The following NEURL1 variants were observed in gnomAD, a reference collection of about 807,000 sequenced individuals.
The protein encoded by NEURL1 is neuralized E3 ubiquitin protein ligase 1.
NEURL1 carries 26 observed loss-of-function variants against 41.2 expected under a neutral mutation model. The observed-to-expected ratio is 0.63, with a 90% CI of 0.46 to 0.87. NEURL1 has a LOEUF of 0.87. Among genes scored for constraint, NEURL1 ranks in the 40% least tolerant of loss-of-function variants. The pLI, the probability that NEURL1 is intolerant of heterozygous loss-of-function variation, is 0.00. For missense variants in NEURL1, 761 were observed against 871.1 expected, an observed-to-expected ratio of 0.87 and a Z score of 1.59; for synonymous variants, 400 against 402.3, an observed-to-expected ratio of 0.99 and a Z score of 0.07.
At chr10:103,505,330 CTCTCTGCCTCAGCCTCCCGAATAGCTGGG>C (rs1402457907) in intron 1 of NEURL1, among the ~76,000 whole-genome samples, 1 of 150,870 alleles carries the variant, frequency 6.6e-6, no homozygotes, top group African/African-American at 2.4e-5. Flanking sequence ...TCAAGCAATT[CTCTCTGCCTCAGCCTCCCGAATAGCTGGG>C]ATTACAGGCA....
At chr10:103,505,962 C>G (rs1202460307) in intron 1 of NEURL1, among the ~76,000 whole-genome samples, 1 of 152,182 alleles carries the variant, frequency 6.6e-6, no homozygotes, top group Non-Finnish European at 1.5e-5. Context: ...TGTGTGGGGA[C>G]AGGGGAGGAG....
chr10:103,576,313 CAG>C (rs138525649), intron 3 of NEURL1, among the ~76,000 whole-genome samples: 21,885 of 152,010 alleles, frequency 0.14, 1,998 homozygotes, highest in Non-Finnish European at 0.2. Context: ...TTAGGTCAGA[CAG>C]GGGGGTGTCC....
Position 103,589,642 on chromosome 10 carries a change from C to A in NEURL1, c.1468C>A (p.Leu490Met). ...PLLSTCSSGP[L>M]GSSAGGTAPN... The stretch of plus-strand genomic sequence containing the variant: ...GCTCAGCACGTGCAGCTCTGGCCCT[C>A]TGGGTAGCTCTGCTGGTGGTAAGTA... Residue 490 changes from leucine (L) to methionine (M), a missense_variant, in exon 5 of 6, where the codon CTG becomes ATG. Physicochemically the swap from Leu to Met is conservative, Grantham distance 15 (BLOSUM62 2). Transcript: ENST00000369780. 6.2e-7 allele frequency: 1 copy of A among 1,610,720 alleles called. No individual in the cohort carries two copies. Among genetic ancestry groups the A allele is most frequent in the East Asian group, 2.2e-5 (1 of 44,822 alleles).
rs1006259260 is a variant in NEURL1, at chr10:103,545,127, T to C, written c.86-25745T>C. Among the ~76,000 whole-genome samples the C allele has an allele frequency of 2.0e-5, 3 of 152,108 alleles. No individual in the cohort carries two copies. Among genetic ancestry groups the C allele is most frequent in the Non-Finnish European group, 2.9e-5 (2 of 68,018 alleles). ...AATGAGCCACGGATGAATGTGCAAA[T>C]TGTGAGATGGGGCAGCTGCAGGGAA... On this transcript the variant is annotated intron_variant, in intron 1 of 5. Transcript: ENST00000369780. This position sits in a 1 kb window ranked among gnomAD's most constrained non-coding sequence, Gnocchi z 4.5.
In NEURL1 at chr10:103,508,398, C is replaced by G. The variant is rs573589788; in HGVS notation, c.85+13926C>G. ...TAGGGTGACATCCATTTGCGACTCTCATCCTCAGGATACAGCTAGGACCTC... is the reference window on the plus strand; with the variant it reads ...TAGGGTGACATCCATTTGCGACTCTGATCCTCAGGATACAGCTAGGACCTC... On this transcript the variant is annotated intron_variant, in intron 1 of 5. Coordinates refer to ENST00000369780, the MANE Select transcript of NEURL1 (RefSeq NM_004210.5). This position sits in a 1 kb window ranked among gnomAD's most constrained non-coding sequence, Gnocchi z 4.3. Among the ~76,000 whole-genome samples, 10 of 152,360 alleles carry G rather than the reference C, an allele frequency of 6.6e-5. No homozygotes were observed. The highest frequency in any genetic ancestry group is 1.5e-4 in the Non-Finnish European group (10 of 68,036).
intron 1 of NEURL1, among the ~76,000 whole-genome samples, chr10:103,532,514 C>A (rs906857829): frequency 6.6e-6 from 1 of 152,120 alleles, no homozygotes; most frequent in African/African-American, 2.4e-5. Context: ...TCCCTAATTT[C>A]TGAAGGATAG....
Position 103,556,064 on chromosome 10 carries a change from G to A in NEURL1, c.86-14808G>A, listed in dbSNP as rs116999811. ...ACAGCGCCTGACCTCGCTTCTCCAA[G>A]TGTGTGCTCTGTGGGGGAGGCCAGA... On this transcript the variant is annotated intron_variant, in intron 1 of 5. Transcript: ENST00000369780. This position sits in a 1 kb window ranked among gnomAD's most constrained non-coding sequence, Gnocchi z 4.4. 0.027 allele frequency among the ~76,000 whole-genome samples: 4,045 copies of A among 152,366 alleles called. 79 individuals are homozygous for A. The highest frequency in any genetic ancestry group is 0.042 in the Non-Finnish European group (2,825 of 68,018).
chr10:103,516,167 G>A (rs564726767), intron 1 of NEURL1, among the ~76,000 whole-genome samples: 2 of 147,894 alleles, frequency 1.4e-5, no homozygotes, highest in Non-Finnish European at 3.0e-5. Flanking sequence ...GGTGAAGGTT[G>A]CAGTGAGCTG....
At position 103,494,146 on chromosome 10, in the gene NEURL1, C is replaced by CGGGGCAT; in HGVS notation, c.-238_-232dup. ...CTGCTTGTGGCCCCCGCTCCCGCCA[C>CGGGGCAT]GGGGCATGGGAGGCAGGTAGCCCAG... On this transcript the variant is annotated 5_prime_UTR_variant, in exon 1 of 6. The change creates a new upstream start codon in the 5' untranslated region. Coordinates refer to ENST00000369780, the MANE Select transcript of NEURL1 (RefSeq NM_004210.5). 1 of 426,702 alleles carries CGGGGCAT rather than the reference C, an allele frequency of 2.3e-6. No homozygotes were observed. Among genetic ancestry groups the CGGGGCAT allele is most frequent in the Non-Finnish European group, 4.1e-6 (1 of 241,128 alleles). The allele number at this position is 426,702 out of a possible 1,614,324, so 26.4% of individuals were successfully genotyped here. A position where few individuals can be genotyped will look rare whatever the true frequency, so the allele number is the denominator to read the frequency against.
chr10:103,576,167 A>C (rs2035658471), intron 3 of NEURL1, among the ~76,000 whole-genome samples: 1 of 152,268 alleles, frequency 6.6e-6, no homozygotes, highest in Non-Finnish European at 1.5e-5. Flanking sequence ...ATCAAGTGTG[A>C]CCTGAAGAGT....
chr10:103,561,950 G>A (rs2035302433), intron 1 of NEURL1, among the ~76,000 whole-genome samples: 1 of 152,194 alleles, frequency 6.6e-6, no homozygotes, highest in South Asian at 2.1e-4. Context: ...CACCAGAAAG[G>A]GCAAGGCACG....
chr10:103,494,433 C>T lies in NEURL1; in HGVS notation c.46C>T (p.Pro16Ser). 6.3e-7 allele frequency: 1 copy of T among 1,598,714 alleles called. No individual in the cohort carries two copies. Among genetic ancestry groups the T allele is most frequent in the East Asian group, 2.3e-5 (1 of 44,042 alleles). Residue 16 changes from proline to serine, a missense_variant, in exon 1 of 6, where the codon CCG (proline) becomes TCG (serine). This residue lies in a region of NEURL1 where 94 missense variants were observed against 96.6 expected (regional missense o/e 0.97). Coordinates refer to ENST00000369780, the MANE Select transcript of NEURL1 (RefSeq NM_004210.5). The stretch of plus-strand genomic sequence containing the variant: ...TATCCCCTCGCTGCCCCGAGGAAAC[C>T]CGAGCCGCGCGCCGCGGGGCCACCC... ...SSIPSLPRGN[P>S]SRAPRGHPQN...
chr10:103,571,853 C>G (rs772029838), intron 3 of NEURL1, 31 bp downstream of exon 3: 2 of 1,558,742 alleles, frequency 1.3e-6, no homozygotes, highest in Admixed American at 3.5e-5. Flanking sequence ...CCCCTTGGTG[C>G]AGGGGACACC....
chr10:103,579,570 C>T (rs2035742185), intron 3 of NEURL1, among the ~76,000 whole-genome samples: 1 of 152,164 alleles, frequency 6.6e-6, no homozygotes, highest in South Asian at 2.1e-4. Flanking sequence ...AAATGGATTT[C>T]CTAGTACCTT....
At chr10:103,516,608 G>T (rs2133852569) in intron 1 of NEURL1, among the ~76,000 whole-genome samples, 1 of 152,252 alleles carries the variant, frequency 6.6e-6, no homozygotes, top group Non-Finnish European at 1.5e-5. Flanking sequence ...ATGAAACCAT[G>T]AAGAAGGTGT....
At chr10:103,568,389 G>C (rs759103715) in intron 1 of NEURL1, among the ~76,000 whole-genome samples, 3 of 152,130 alleles carry the variant, frequency 2.0e-5, no homozygotes, top group African/African-American at 7.2e-5. Flanking sequence ...AGGGCCCCAG[G>C]ACGTCAAGCA....
intron 1 of NEURL1, among the ~76,000 whole-genome samples, chr10:103,564,931 G>T (rs1302349062): frequency 6.6e-6 from 1 of 152,142 alleles, no homozygotes. Context: ...GGTAGGAGGG[G>T]GGTCACCCTG....
chr10:103,552,061 A>G (rs1373836663), intron 1 of NEURL1, among the ~76,000 whole-genome samples: 1 of 147,426 alleles, frequency 6.8e-6, no homozygotes, highest in Non-Finnish European at 1.5e-5. Context: ...TGCTCCGGGC[A>G]GGGGCAGGAG....
intron 4 of NEURL1, among the ~76,000 whole-genome samples, chr10:103,585,655 A>G (rs1180053348): frequency 6.6e-6 from 1 of 152,142 alleles, no homozygotes; most frequent in African/African-American, 2.4e-5. Flanking sequence ...TAACACGGTG[A>G]AACCCCGTCT....
Sources: gnomAD v4.1 joint callset for allele counts (sites outside exome capture counted in the v4.1 genomes callset) on GRCh38, gnomAD v4.1.1 for gene constraint, gnomAD v4.1.1 regional missense constraint, Gnocchi (gnomAD v3.1) non-coding constraint, MANE v1.5 for transcripts, NCBI Gene and HGNC (gene_info 2026-07-23, HGNC 2026-07-21) for gene names.